Variants in FBXL20 observed in about 807,000 individuals in gnomAD.
FBXL20 encodes F-box/LRR-repeat protein 20.
FBXL20 carries 11 observed loss-of-function variants against 64.0 expected under a neutral mutation model. The observed-to-expected ratio is 0.17, with a 90% confidence interval of 0.11 to 0.28. The LOEUF (loss-of-function observed/expected upper bound fraction) is 0.28. FBXL20 is among the 10% of genes least tolerant of loss of function. The probability of loss-of-function intolerance (pLI) is 1.00; values close to 1 mark genes in which losing one functional copy is unlikely to be tolerated. For synonymous variants in FBXL20, 184 were observed against 189.0 expected (o/e 0.97, Z 0.22); for missense variants, 303 against 526.2 (o/e 0.58, Z 4.15).
Position 39,275,086 on chromosome 17 carries a change from T to G in FBXL20, c.711A>C (p.Glu237Asp). 6.2e-7 allele frequency: 1 copy of G among 1,607,010 alleles called. No individual in the cohort carries two copies. The highest frequency in any genetic ancestry group is 8.5e-7 in the Non-Finnish European group (1 of 1,177,970). Residue 237 changes from glutamate to aspartate, a missense_variant, in exon 10 of 15, where the codon GAA (glutamate) becomes GAC (aspartate). Transcript: ENST00000264658. ...NLQTCLQITD[E>D]GLITICRGCH... ...ACCCTCTGCATATAGTAATGAGACCTTCATCTGTGATTTGCTAAAAAACAA... is the reference window on the plus strand; with the variant it reads ...ACCCTCTGCATATAGTAATGAGACCGTCATCTGTGATTTGCTAAAAAACAA...
chr17:39,314,156 C>T (rs2047262694), intron 2 of FBXL20, among the ~76,000 whole-genome samples: 1 of 152,102 alleles, frequency 6.6e-6, no homozygotes, highest in African/African-American at 2.4e-5. Context: ...TTGCCTATTC[C>T]GCACATTTCA....
intron 11 of FBXL20, among the ~76,000 whole-genome samples, chr17:39,270,423 A>G (rs1567857657): frequency 1.3e-5 from 2 of 152,156 alleles, no homozygotes; most frequent in African/African-American, 4.8e-5. Flanking sequence ...ACATGCTTGT[A>G]ATCCCAGCTA....
At chr17:39,323,517 G>A (rs2047377756) in intron 2 of FBXL20, among the ~76,000 whole-genome samples, 1 of 151,230 alleles carries the variant, frequency 6.6e-6, no homozygotes, top group Admixed American at 6.6e-5. Flanking sequence ...GATGGGTGGG[G>A]ACAGTTAAGA....
intron 2 of FBXL20, among the ~76,000 whole-genome samples, chr17:39,315,256 G>T (rs370746175): frequency 3.7e-4 from 56 of 151,912 alleles, no homozygotes; most frequent in African/African-American, 1.3e-3. Flanking sequence ...CCCCATTGTT[G>T]TTATGATTGG....
intron 8 of FBXL20, among the ~76,000 whole-genome samples, chr17:39,282,493 A>T (rs906964664): frequency 6.6e-6 from 1 of 152,198 alleles, no homozygotes; most frequent in Non-Finnish European, 1.5e-5. Context: ...TCTTTAATAT[A>T]ATCTTAATTT....
intron 1 of FBXL20, among the ~76,000 whole-genome samples, chr17:39,385,100 T>C (rs1326881316): frequency 1.3e-5 from 2 of 152,220 alleles, no homozygotes; most frequent in South Asian, 2.1e-4. Context: ...TGCATGCCTG[T>C]AGTCTCAGCT....
chr17:39,385,589 T>C (rs1033233150), intron 1 of FBXL20, among the ~76,000 whole-genome samples: 2 of 152,158 alleles, frequency 1.3e-5, no homozygotes, highest in Non-Finnish European at 2.9e-5. Flanking sequence ...ACTGAGAGAC[T>C]TGAGGCTACT....
At chr17:39,294,022 C>T (rs906237361) in intron 6 of FBXL20, among the ~76,000 whole-genome samples, 1 of 151,982 alleles carries the variant, frequency 6.6e-6, no homozygotes, top group Non-Finnish European at 1.5e-5. Flanking sequence ...CATTCATTTG[C>T]TTCTCAGTCT....
At chr17:39,267,510 A>C (rs577182615) in intron 12 of FBXL20, among the ~76,000 whole-genome samples, 4 of 152,180 alleles carry the variant, frequency 2.6e-5, no homozygotes, top group Non-Finnish European at 5.9e-5. Flanking sequence ...TCTATGAAAA[A>C]AATTAATGTT....
chr17:39,265,562 G>T, intron 12 of FBXL20, 109 bp from the exon 13 acceptor site: 1 of 754,162 alleles, frequency 1.3e-6, no homozygotes, highest in Non-Finnish European at 2.2e-6. Context: ...CTAGAGTGTA[G>T]TGGTGCAACT....
chr17:39,341,887 C>A (rs1401412603), intron 2 of FBXL20, among the ~76,000 whole-genome samples: 1 of 152,182 alleles, frequency 6.6e-6, no homozygotes, highest in Middle Eastern at 3.2e-3. Context: ...TATAGCTCAT[C>A]AACATGTAGT....
At chr17:39,316,343 T>A (rs2338802) in intron 2 of FBXL20, among the ~76,000 whole-genome samples, 2,006 of 152,146 alleles carry the variant, frequency 0.013, 67 homozygotes, top group East Asian at 0.11. Flanking sequence ...GAGCTCTGTC[T>A]ACTAAGAGGG....
At chr17:39,303,548 G>C in intron 3 of FBXL20, 37 bp downstream of exon 3, 1 of 1,575,694 alleles carries the variant, frequency 6.3e-7, no homozygotes, top group Non-Finnish European at 8.6e-7. Flanking sequence ...TCAGTATGAA[G>C]AAGGGGTCCC....
chr17:39,310,643 G>A (rs1362666827), intron 2 of FBXL20, among the ~76,000 whole-genome samples: 1 of 151,964 alleles, frequency 6.6e-6, no homozygotes, highest in East Asian at 1.9e-4. Context: ...GAGCCCTGGA[G>A]GTTGAGACCA....
chr17:39,285,781 T>A (rs141563676), intron 6 of FBXL20, among the ~76,000 whole-genome samples: 86 of 152,294 alleles, frequency 5.6e-4, no homozygotes, highest in African/African-American at 1.9e-3. Context: ...GTGCTGCATA[T>A]GAGAATTTGA....
Position 39,316,223 on chromosome 17 carries a change from T to C in FBXL20, c.105-12584A>G, listed in dbSNP as rs534188694. On this transcript the variant is annotated intron_variant, in intron 2 of 14. Transcript: ENST00000264658. ...AAATATCAGTGTATTAATAGAAACA[T>C]AGTTATCAATATATACAGATATAAA... 9.2e-5 allele frequency among the ~76,000 whole-genome samples: 14 copies of C among 152,192 alleles called. No homozygotes were observed. In the South Asian group the frequency reaches 1.0e-3, roughly 11 times the overall value.
At chr17:39,347,569 C>A (rs1218451346) in intron 1 of FBXL20, among the ~76,000 whole-genome samples, 1 of 152,044 alleles carries the variant, frequency 6.6e-6, no homozygotes, top group Non-Finnish European at 1.5e-5. Flanking sequence ...TGTTTAAGTT[C>A]TTTGTAGATT....
chr17:39,282,219 TA>T (rs1285579846), intron 8 of FBXL20, among the ~76,000 whole-genome samples: 3 of 152,216 alleles, frequency 2.0e-5, no homozygotes, highest in Non-Finnish European at 4.4e-5. Context: ...TTTTTCACTA[TA>T]AAACACTGAG....
At chr17:39,310,153 T>TAAAA (rs34838706) in intron 2 of FBXL20, among the ~76,000 whole-genome samples, 3 of 134,714 alleles carry the variant, frequency 2.2e-5, no homozygotes, top group African/African-American at 8.2e-5. Flanking sequence ...TCTACAAATT[T>TAAAA]AAAAAAAAAA....
Sources: gnomAD v4.1 joint callset for allele counts (sites outside exome capture counted in the v4.1 genomes callset) on GRCh38, gnomAD v4.1.1 for gene constraint, MANE v1.5 for transcripts, NCBI Gene and HGNC (gene_info 2026-07-23, HGNC 2026-07-21) for gene names.